Variants in DST observed in about 807,000 individuals in gnomAD.
DST encodes the protein bullous pemphigoid antigen.
Under a neutral mutation model 875.2 loss-of-function variants are expected in DST, and 253 were observed. The observed-to-expected ratio is 0.29, with a 90% CI of 0.26 to 0.32. The LOEUF (loss-of-function observed/expected upper bound fraction) is 0.32, where lower values mean the gene tolerates loss of function less well. Ranked by LOEUF, DST falls within the 10% of genes least tolerant of loss-of-function variation. The pLI is 1.00. For synonymous variants in DST, 3,124 were observed against 3,197.1 expected, an observed-to-expected ratio of 0.98 and a Z score of 0.77; for missense variants, 8,287 against 9,111.6, an observed-to-expected ratio of 0.91 and a Z score of 3.68.
At chr6:56,739,664 T>C (rs972530573) in intron 4 of DST, among the ~76,000 whole-genome samples, 4 of 152,086 alleles carry the variant, frequency 2.6e-5, no homozygotes, top group Non-Finnish European at 5.9e-5. Context: ...ATAAAACAGA[T>C]TGCAGTAAAG....
intron 4 of DST, among the ~76,000 whole-genome samples, chr6:56,799,630 G>GT (rs548400554): frequency 0.022 from 3,124 of 142,932 alleles, 25 homozygotes; most frequent in Non-Finnish European, 0.03. Flanking sequence ...GTTTGGTTTT[G>GT]TTTTTTTTTT....
intron 5 of DST, among the ~76,000 whole-genome samples, chr6:56,704,610 A>G (rs2099325563): frequency 6.6e-6 from 1 of 152,244 alleles, no homozygotes; most frequent in Non-Finnish European, 1.5e-5. Context: ...AAGACACCAG[A>G]ACAAACATAA....
chr6:56,772,481 C>T (rs1006928300), intron 4 of DST, among the ~76,000 whole-genome samples: 2 of 152,146 alleles, frequency 1.3e-5, no homozygotes, highest in African/African-American at 2.4e-5. Context: ...AACTGATTAG[C>T]CATGTGATTC....
At chr6:56,688,273 C>G (rs1361621525) in intron 9 of DST, among the ~76,000 whole-genome samples, 1 of 152,160 alleles carries the variant, frequency 6.6e-6, no homozygotes, top group Non-Finnish European at 1.5e-5. Context: ...TCTTCAAGAT[C>G]TGTGGAGCAA....
At chr6:56,801,314 G>C (rs573577550) in intron 4 of DST, among the ~76,000 whole-genome samples, 206 of 152,066 alleles carry the variant, frequency 1.4e-3, no homozygotes, top group African/African-American at 4.6e-3. Flanking sequence ...GTTTAAGCAC[G>C]GTCATTTGTA....
intron 67 of DST, among the ~76,000 whole-genome samples, chr6:56,528,593 G>A (rs2096841960): frequency 6.6e-6 from 1 of 152,172 alleles, no homozygotes; most frequent in Non-Finnish European, 1.5e-5. Context: ...ATGAGCTCCT[G>A]TGCCAAAGTG....
intron 72 of DST, among the ~76,000 whole-genome samples, 182 bp downstream of exon 72, chr6:56,515,267 AT>A (rs2096567368): frequency 1.6e-4 from 3 of 18,350 alleles, no homozygotes; most frequent in Admixed American, 1.2e-3. Context: ...GTATATCCAC[AT>A]GAGTCTTCTC....
At chr6:56,475,991 A>G (rs1488959143) in intron 92 of DST, among the ~76,000 whole-genome samples, 158 bp downstream of exon 92, 1 of 152,214 alleles carries the variant, frequency 6.6e-6, no homozygotes, top group Non-Finnish European at 1.5e-5. Context: ...GAGAGGTTTT[A>G]GGGCAGTTGC....
chr6:56,546,878 G>A (rs1195035101), intron 61 of DST, among the ~76,000 whole-genome samples: 1 of 152,058 alleles, frequency 6.6e-6, no homozygotes, highest in Non-Finnish European at 1.5e-5. Flanking sequence ...AGTAGATACC[G>A]CAGTTTGGCT....
In DST at chr6:56,529,729, C is replaced by T; in HGVS notation, c.17314G>A (p.Ala5772Thr). The T allele has an allele frequency of 6.2e-7, 1 of 1,610,130 alleles. No individual in the cohort carries two copies. Among genetic ancestry groups the T allele is most frequent in the East Asian group, 2.2e-5 (1 of 44,848 alleles). The change falls in exon 66 of 104, where the codon GCT (alanine) becomes ACT (threonine). Residue 5772 changes from alanine to threonine, a missense_variant. By Grantham distance (58) the Ala-to-Thr change is moderately conservative. This residue lies in a region of DST where 777 missense variants were observed against 764.8 expected (regional missense o/e 1.02). Coordinates refer to ENST00000680361, the MANE Select transcript of DST (RefSeq NM_001374736.1). ...IINHNKHLHQ[A>T]VSIGQSLKVL... Reference sequence around the variant, plus strand: ...TTTAAGGACTGGCCAATGCTAACAGCCTGGTGTAAATGTTTATTGTGATTG... The same window carrying T: ...TTTAAGGACTGGCCAATGCTAACAGTCTGGTGTAAATGTTTATTGTGATTG...
chr6:56,671,745 G>A (rs1032310579), intron 9 of DST, among the ~76,000 whole-genome samples: 3 of 152,162 alleles, frequency 2.0e-5, no homozygotes, highest in Admixed American at 6.5e-5. Context: ...GCAAAGCCAA[G>A]GGATCAACAA....
intron 72 of DST, among the ~76,000 whole-genome samples, chr6:56,514,182 T>C (rs4454141): frequency 0.67 from 102,249 of 152,134 alleles, 34,668 homozygotes; most frequent in Non-Finnish European, 0.71. Flanking sequence ...GATGCTATGC[T>C]AAAAATGTGG....
At chr6:56,638,846 G>C (rs1190990937) in intron 22 of DST, 1 of 232,936 alleles carries the variant, frequency 4.3e-6, no homozygotes. Flanking sequence ...ATACTAAGCA[G>C]TAAGAGTAAA....
intron 4 of DST, among the ~76,000 whole-genome samples, chr6:56,784,130 T>C (rs2099700129): frequency 6.6e-6 from 1 of 152,242 alleles, no homozygotes; most frequent in African/African-American, 2.4e-5. Flanking sequence ...GTGGGTAACT[T>C]GACCTTTCTC....
At chr6:56,800,552 G>A (rs181886595) in intron 4 of DST, among the ~76,000 whole-genome samples, 2 of 152,050 alleles carry the variant, frequency 1.3e-5, no homozygotes, top group East Asian at 1.9e-4. Flanking sequence ...CATCCCCAGC[G>A]AAAAAGAATC....
Position 56,916,823 on chromosome 6 carries a change from C to CAGAG in DST, c.217-16206_217-16203dup, listed in dbSNP as rs1554257548. On this transcript the variant is annotated intron_variant, in intron 2 of 103. Coordinates refer to ENST00000680361, the MANE Select transcript of DST (RefSeq NM_001374736.1). ...ACACACACACACACACACACACACA[C>CAGAG]AGAGAGACAGAGAGAGAAAAGCTAT... is the stretch of plus-strand genomic sequence containing the variant. Among the ~76,000 whole-genome samples, 854 of 140,574 alleles carry CAGAG rather than the reference C, an allele frequency of 6.1e-3. 9 individuals carry two copies. The highest frequency in any genetic ancestry group is 0.017 in the East Asian group (81 of 4,640). 92.2% of individuals were successfully genotyped at this position (140,574 alleles called of 152,430 possible).
chr6:56,624,174 C>T (rs1018127473), intron 36 of DST, among the ~76,000 whole-genome samples: 2 of 152,080 alleles, frequency 1.3e-5, no homozygotes, highest in Non-Finnish European at 2.9e-5. Context: ...CCAGCAGTAA[C>T]TATACTTCAA....
At chr6:56,891,649 G>T (rs573058327) in intron 3 of DST, among the ~76,000 whole-genome samples, 2 of 151,726 alleles carry the variant, frequency 1.3e-5, no homozygotes, top group South Asian at 2.1e-4. Context: ...GAGATGGGAA[G>T]GTTGAGCCCA....
In DST at chr6:56,658,632, A is replaced by T. The variant is rs150121270; in HGVS notation, c.1215-7388T>A. ...CAACACCATAAAAGGGTAATCGGAG[A>T]AGACAACCTGATGCTTTGGTATGCT... On this transcript the variant is annotated intron_variant, in intron 10 of 103. Transcript: ENST00000680361. Among the ~76,000 whole-genome samples the T allele has an allele frequency of 8.6e-3, 1,304 of 152,192 alleles. 10 individuals are homozygous for T. Among genetic ancestry groups the T allele is most frequent in the Non-Finnish European group, 0.014 (979 of 68,034 alleles).
Sources: gnomAD v4.1 joint callset for allele counts (sites outside exome capture counted in the v4.1 genomes callset) on GRCh38, gnomAD v4.1.1 for gene constraint, gnomAD v4.1.1 regional missense constraint, MANE v1.5 for transcripts, NCBI Gene and HGNC (gene_info 2026-07-23, HGNC 2026-07-21) for gene names.